The following RERE variants were observed in gnomAD, a reference collection of about 807,000 sequenced individuals.
RERE encodes the protein arginine-glutamic acid dipeptide repeats, also known as arginine-glutamic acid dipeptide repeats protein.
A neutral mutation model predicts 146.1 loss-of-function variants in RERE; 40 were observed. The ratio of observed to expected loss-of-function variants is 0.27; its 90% CI spans 0.21 to 0.36. The LOEUF is 0.36. RERE is among the 10% of genes least tolerant of loss of function. The pLI is 1.00. For synonymous variants in RERE, 1,003 were observed against 866.0 expected (o/e 1.16, Z -2.78); for missense variants, 1,933 against 2,138.7 (o/e 0.90, Z 1.90).
At chr1:8,452,852 T>C (rs1461913790) in intron 11 of RERE, among the ~76,000 whole-genome samples, 1 of 152,154 alleles carries the variant, frequency 6.6e-6, no homozygotes, top group East Asian at 1.9e-4. Flanking sequence ...ACCACCCCTT[T>C]TGTGAAGATA....
Position 8,381,723 on chromosome 1 carries a change from C to T in RERE, c.1285-15749G>A, listed in dbSNP as rs537687843. On this transcript the variant is annotated intron_variant, in intron 12 of 22. Coordinates refer to ENST00000400908, the MANE Select transcript of RERE (RefSeq NM_001042681.2). Reference sequence around the variant, plus strand: ...AAAATGATTTCCCCAGCCCCGGGGACGCGCCAGTGTGAAATGAGAACAAGA... The same window carrying T: ...AAAATGATTTCCCCAGCCCCGGGGATGCGCCAGTGTGAAATGAGAACAAGA... 8.5e-5 allele frequency among the ~76,000 whole-genome samples: 13 copies of T among 152,318 alleles called. 1 individual carries two copies. In the South Asian group the frequency reaches 1.9e-3, roughly 22 times the overall value.
chr1:8,628,269 T>C (rs1171995053), intron 2 of RERE, among the ~76,000 whole-genome samples: 1 of 152,150 alleles, frequency 6.6e-6, no homozygotes, highest in African/African-American at 2.4e-5. Context: ...CTTACAGTTT[T>C]GTAAGCCACT....
intron 20 of RERE, 46 bp downstream of exon 20, chr1:8,358,150 A>ACCC: frequency 1.3e-6 from 2 of 1,550,296 alleles, no homozygotes; most frequent in Admixed American, 3.5e-5. Context: ...CAGGCTCTGC[A>ACCC]CCCCTCCCCG....
intron 12 of RERE, among the ~76,000 whole-genome samples, chr1:8,399,538 A>G (rs1643175633): frequency 1.3e-5 from 2 of 152,138 alleles, no homozygotes; most frequent in Non-Finnish European, 1.5e-5. Flanking sequence ...CTCTAACTTT[A>G]CAAGTCTTAT....
chr1:8,416,586 C>CAAAAAAAAAAAAAAAA (rs5772324), intron 12 of RERE, among the ~76,000 whole-genome samples: 1 of 105,938 alleles, frequency 9.4e-6, no homozygotes, highest in Non-Finnish European at 1.9e-5. Context: ...ACTCCATCTC[C>CAAAAAAAAAAAAAAAA]AAAAAAAAAA....
intron 10 of RERE, among the ~76,000 whole-genome samples, chr1:8,473,188 G>T (rs912546016): frequency 6.6e-6 from 1 of 152,070 alleles, no homozygotes; most frequent in Non-Finnish European, 1.5e-5. Context: ...CATTGTGAAA[G>T]AACAAATGTG....
chr1:8,469,889 T>C (rs771353035), intron 10 of RERE, among the ~76,000 whole-genome samples: 1 of 152,164 alleles, frequency 6.6e-6, no homozygotes, highest in Non-Finnish European at 1.5e-5. Context: ...GCCTGCACAA[T>C]GCCCCTCAGC....
chr1:8,768,977 T>A (rs1326237569), intron 1 of RERE, among the ~76,000 whole-genome samples: 1 of 152,202 alleles, frequency 6.6e-6, no homozygotes, highest in Non-Finnish European at 1.5e-5. Context: ...ACAGGCCACA[T>A]CTGGACTGCA....
At chr1:8,684,176 C>T (rs184415252) in intron 1 of RERE, among the ~76,000 whole-genome samples, 1 of 152,136 alleles carries the variant, frequency 6.6e-6, no homozygotes, top group Admixed American at 6.5e-5. Flanking sequence ...ACAAAATTTC[C>T]ACTTAAAGTC....
intron 4 of RERE, among the ~76,000 whole-genome samples, chr1:8,585,578 GA>G (rs1646418354): frequency 6.6e-6 from 1 of 152,154 alleles, no homozygotes; most frequent in African/African-American, 2.4e-5. Flanking sequence ...AGATAGTAAG[GA>G]AACTATCAAA....
chr1:8,653,682 G>C (rs781256977), intron 2 of RERE, among the ~76,000 whole-genome samples: 1 of 133,294 alleles, frequency 7.5e-6, no homozygotes, highest in African/African-American at 2.9e-5. Context: ...GCAACAGAGC[G>C]AGACTCCACC....
chr1:8,449,019 G>T (rs1161951113), intron 11 of RERE, among the ~76,000 whole-genome samples: 1 of 152,178 alleles, frequency 6.6e-6, no homozygotes, highest in East Asian at 1.9e-4. Flanking sequence ...TTAACTTGGG[G>T]ACAGCCCTGA....
intron 12 of RERE, among the ~76,000 whole-genome samples, chr1:8,394,797 A>G (rs1408029869): frequency 6.6e-6 from 1 of 151,982 alleles, no homozygotes; most frequent in Non-Finnish European, 1.5e-5. Flanking sequence ...CACTACTAGT[A>G]TATATATATA....
chr1:8,470,026 C>A (rs563854802), intron 10 of RERE, among the ~76,000 whole-genome samples: 1 of 152,256 alleles, frequency 6.6e-6, no homozygotes, highest in South Asian at 2.1e-4. Context: ...TCCAGTGACA[C>A]GGTAACTCGA....
At position 8,354,866 on chromosome 1, in the gene RERE, T is replaced by A. The variant is rs1049135069; in HGVS notation, c.*221A>T. ...TCCAGTCCAGGACTCACTAAGTTTC[T>A]GGGGGACTGTCATGCAGGGAGATCC... On this transcript the variant is annotated 3_prime_UTR_variant, in exon 23 of 23. Transcript: ENST00000400908. 3.5e-6 allele frequency: 2 copies of A among 579,222 alleles called. No individual in the cohort carries two copies. Among genetic ancestry groups the A allele is most frequent in the African/African-American group, 3.8e-5 (2 of 52,762 alleles). 35.9% of individuals were successfully genotyped at this position (579,222 alleles called of 1,614,324 possible).
At chr1:8,777,487 G>A (rs1054743058) in intron 1 of RERE, among the ~76,000 whole-genome samples, 7 of 150,396 alleles carry the variant, frequency 4.7e-5, no homozygotes, top group Non-Finnish European at 8.9e-5. Context: ...GAAATTAAAA[G>A]AAGACAGTAG....
chr1:8,788,792 A>G (rs1641306637), intron 1 of RERE, among the ~76,000 whole-genome samples: 1 of 151,668 alleles, frequency 6.6e-6, no homozygotes, highest in Non-Finnish European at 1.5e-5. Flanking sequence ...AGGATTCAGG[A>G]GCAAACAAGA....
At chr1:8,501,040 G>A (rs1223270074) in intron 8 of RERE, among the ~76,000 whole-genome samples, 1 of 139,092 alleles carries the variant, frequency 7.2e-6, no homozygotes, top group African/African-American at 3.0e-5. Context: ...GAGGGGGGGG[G>A]GGGGTCAGCC....
intron 1 of RERE, among the ~76,000 whole-genome samples, chr1:8,805,154 G>A (rs1016247557): frequency 3.3e-5 from 5 of 151,482 alleles, no homozygotes; most frequent in Non-Finnish European, 5.9e-5. Context: ...ACAGATGCCC[G>A]CCACCATACC....
Sources: gnomAD v4.1 joint callset for allele counts (sites outside exome capture counted in the v4.1 genomes callset) on GRCh38, gnomAD v4.1.1 for gene constraint, MANE v1.5 for transcripts, NCBI Gene and HGNC (gene_info 2026-07-23, HGNC 2026-07-21) for gene names.